CIDEB: variants seen among roughly 807,000 people sequenced by gnomAD.
CIDEB encodes the protein cell death inducing DFFA like effector b, also known as lipid transferase CIDEB.
Under a neutral mutation model 22.4 loss-of-function variants are expected in CIDEB, and 27 were observed. The observed-to-expected ratio is 1.21, with a 90% confidence interval of 0.89 to 1.66. CIDEB has a LOEUF of 1.66. Ranked by LOEUF, CIDEB falls within the 40% of genes most tolerant of loss-of-function variation. The pLI is 0.00. For synonymous variants in CIDEB, 103 were observed against 109.5 expected (o/e 0.94, Z 0.37); for missense variants, 289 against 268.7 (o/e 1.08, Z -0.53).
chr14:24,307,983 A>C, upstream of CIDEB: 3 of 874,990 alleles, frequency 3.4e-6, no homozygotes, highest in African/African-American at 1.7e-5. Flanking sequence ...GGAATGAGTC[A>C]AGCCTGGACT....
At chr14:24,306,176 C>T in intron 3 of CIDEB, 39 bp from the exon 4 acceptor site, 2 of 1,591,966 alleles carry the variant, frequency 1.3e-6, no homozygotes, top group Non-Finnish European at 1.7e-6. Flanking sequence ...ATCCTCATAC[C>T]AGACACCCAC....
At chr14:24,306,294 A>G in intron 3 of CIDEB, 80 bp downstream of exon 3, 1 of 1,580,670 alleles carries the variant, frequency 6.3e-7, no homozygotes, top group Non-Finnish European at 8.7e-7. Flanking sequence ...GGTCCCCAGG[A>G]TCAGGGTTAA....
chr14:24,307,763 T>C, intron 1 of CIDEB, 55 bp downstream of exon 1: 1 of 1,528,676 alleles, frequency 6.5e-7, no homozygotes, highest in Non-Finnish European at 8.9e-7. Context: ...TGGAGTATTG[T>C]TGCCCTGCCT....
At chr14:24,310,937 G>C (rs368006214), upstream of CIDEB, 1 of 1,591,354 alleles carries the variant, frequency 6.3e-7, no homozygotes. Flanking sequence ...CGCTGGGCCA[G>C]GCGGGCTGCA....
chr14:24,310,729 C>T (rs762316668), upstream of CIDEB: 20 of 1,612,578 alleles, frequency 1.2e-5, no homozygotes, highest in Non-Finnish European at 1.4e-5. Context: ...TCGCGGGCCA[C>T]AGGCACAGCC....
rs969648976 is a variant in CIDEB, at chr14:24,307,521, A to G, written c.42-6T>C. ...AGCTTATATTAGATACTGACCTGGTAGTTGAGAAGAAAAGTCAAGAAGGGG... is the reference window on the plus strand; with the variant it reads ...AGCTTATATTAGATACTGACCTGGTGGTTGAGAAGAAAAGTCAAGAAGGGG... On this transcript the variant is annotated splice_polypyrimidine_tract_variant and splice_region_variant and intron_variant, in intron 1 of 4. Transcript: ENST00000554411. 1.9e-6 allele frequency: 3 copies of G among 1,612,036 alleles called. No individual in the cohort carries two copies. Among genetic ancestry groups the G allele is most frequent in the Non-Finnish European group, 2.5e-6 (3 of 1,178,760 alleles).
chr14:24,311,038 G>A (rs2139172087), upstream of CIDEB: 2 of 1,578,736 alleles, frequency 1.3e-6, no homozygotes, highest in South Asian at 2.3e-5. Flanking sequence ...GCAGTCACCC[G>A]CCCCTTCCTG....
chr14:24,307,954 C>A lies in CIDEB; in HGVS notation c.-96G>T. 8.6e-7 allele frequency: 1 copy of A among 1,158,242 alleles called. No homozygotes were observed. Among genetic ancestry groups the A allele is most frequent in the Non-Finnish European group, 1.3e-6 (1 of 789,854 alleles). 71.7% of individuals were successfully genotyped at this position (1,158,242 alleles called of 1,614,324 possible). A position where few individuals can be genotyped will look rare whatever the true frequency, so the allele number is the denominator to read the frequency against. ...GTGTTTTCTGTTACAAACCTGGGAT[C>A]TCAGCCCAGGACAAGGTGGGAATGA... On this transcript the variant is annotated 5_prime_UTR_variant, in exon 1 of 5. Transcript: ENST00000554411.
upstream of CIDEB, chr14:24,311,031 G>C (rs1343038087): frequency 6.3e-7 from 1 of 1,581,970 alleles, no homozygotes; most frequent in Non-Finnish European, 8.5e-7. Context: ...CTGCCTCGCA[G>C]TCACCCGCCC....
chr14:24,310,752 G>A, upstream of CIDEB: 1 of 1,610,820 alleles, frequency 6.2e-7, no homozygotes, highest in Non-Finnish European at 8.5e-7. Context: ...CCTGCTGCTG[G>A]CGGCGCTGCT....
chr14:24,311,411 C>T (rs1172979800), upstream of CIDEB: 13 of 1,601,476 alleles, frequency 8.1e-6, no homozygotes, highest in Middle Eastern at 1.7e-4. Flanking sequence ...TGCAGGCGGT[C>T]GCAGCGCTGG....
At chr14:24,311,364 G>GGCTT (rs1566423894), upstream of CIDEB, 7 of 1,604,340 alleles carry the variant, frequency 4.4e-6, no homozygotes, top group Middle Eastern at 3.4e-4. Flanking sequence ...GCTTGCCTTC[G>GGCTT]GCTTGCTCTG....
Position 24,305,200 on chromosome 14 carries a change from T to C in CIDEB, c.*433A>G, listed in dbSNP as rs1288502119. 3.2e-5 allele frequency: 37 copies of C among 1,148,432 alleles called. No individual in the cohort carries two copies. The highest frequency in any genetic ancestry group is 4.1e-5 in the Non-Finnish European group (35 of 862,108). 71.1% of individuals were successfully genotyped at this position (1,148,432 alleles called of 1,614,324 possible). A position where few individuals can be genotyped will look rare whatever the true frequency, so the allele number is the denominator to read the frequency against. ...GAGTCAGAAGTCTTAGTGGTAAATA[T>C]TTGATATTTTTATTGGAAATGTTTT... On this transcript the variant is annotated 3_prime_UTR_variant, in exon 5 of 5. Coordinates refer to ENST00000554411, the MANE Select transcript of CIDEB (RefSeq NM_001393339.1).
upstream of CIDEB, chr14:24,310,562 A>G: frequency 8.0e-7 from 1 of 1,246,934 alleles, no homozygotes; most frequent in South Asian, 1.2e-5. Context: ...CAGGGAAGTA[A>G]GGAGGAGGCA....
At chr14:24,306,268 A>C (rs2041503740) in intron 3 of CIDEB, 106 bp downstream of exon 3, 32 of 1,546,138 alleles carry the variant, frequency 2.1e-5, no homozygotes, top group Non-Finnish European at 2.7e-5. Flanking sequence ...ACAATTCCAC[A>C]ACTCCTCCTG....
chr14:24,306,127 A>G lies in CIDEB; in HGVS notation c.347T>C (p.Leu116Pro). Reference sequence around the variant, plus strand: ...CCTCTCCCGTCCCAGGCCATATGACAGCACTCCACTCTGTAGGACACCCTT... The same window carrying G: ...CCTCTCCCGTCCCAGGCCATATGACGGCACTCCACTCTGTAGGACACCCTT... ...QSWSPTRSGV[L>P]SYGLGRERPK... Residue 116 changes from leucine to proline, a missense_variant, in exon 4 of 5, where the codon CTG becomes CCG. Coordinates refer to ENST00000554411, the MANE Select transcript of CIDEB (RefSeq NM_001393339.1). 6.2e-7 allele frequency: 1 copy of G among 1,613,712 alleles called. No individual in the cohort carries two copies. The highest frequency in any genetic ancestry group is 8.5e-7 in the Non-Finnish European group (1 of 1,179,818).
intron 2 of CIDEB, 144 bp from the exon 3 acceptor site, chr14:24,306,667 C>T: frequency 2.1e-6 from 2 of 975,228 alleles, no homozygotes; most frequent in Non-Finnish European, 1.5e-6. Flanking sequence ...CTAAAGGTTG[C>T]AGCTCTCCGT....
upstream of CIDEB, chr14:24,310,474 C>T (rs1386236947): frequency 1.5e-5 from 11 of 716,432 alleles, no homozygotes; most frequent in East Asian, 5.4e-5. Context: ...GATCTGGGTT[C>T]CAAGAAGGAG....
Position 24,307,470 on chromosome 14 carries a change from G to T in CIDEB, c.87C>A (p.Thr29=). Reference sequence around the variant, plus strand: ...AAGGTCGCTGGGGTGGTGGAGCTGAGGTCCAGACCCTCCGTCCAAACTCCG... The same window carrying T: ...AAGGTCGCTGGGGTGGTGGAGCTGATGTCCAGACCCTCCGTCCAAACTCCG... ...ISSEFGRRVW[T]SAPPPQRPFR... Residue 29 remains threonine (T), a synonymous_variant, in exon 2 of 5, where the codon ACC becomes ACA. Coordinates refer to ENST00000554411, the MANE Select transcript of CIDEB (RefSeq NM_001393339.1). The T allele has an allele frequency of 6.2e-7, 1 of 1,614,098 alleles. No homozygotes were observed. The highest frequency in any genetic ancestry group is 8.5e-7 in the Non-Finnish European group (1 of 1,179,994).
Sources: gnomAD v4.1 joint callset for allele counts on GRCh38, gnomAD v4.1.1 for gene constraint, MANE v1.5 for transcripts, NCBI Gene and HGNC (gene_info 2026-07-23, HGNC 2026-07-21) for gene names.